SGCD: variants seen among roughly 807,000 people sequenced by gnomAD.
The protein encoded by SGCD is delta-sarcoglycan.
A neutral mutation model predicts 36.6 loss-of-function variants in SGCD; 18 were observed. The ratio of observed to expected loss-of-function variants is 0.49; its 90% confidence interval spans 0.34 to 0.73. The LOEUF (loss-of-function observed/expected upper bound fraction) is 0.73. Ranked by LOEUF, SGCD falls within the 30% of genes least tolerant of loss-of-function variation. SGCD has a pLI of 0.01. For synonymous variants in SGCD, 133 were observed against 130.6 expected, an observed-to-expected ratio of 1.02 and a Z score of -0.12; for missense variants, 387 against 346.7, an observed-to-expected ratio of 1.12 and a Z score of -0.92.
At chr5:156,199,731 G>A (rs62380743) in intron 3 of SGCD, among the ~76,000 whole-genome samples, 46,968 of 151,880 alleles carry the variant, frequency 0.31, 7,737 homozygotes, top group East Asian at 0.6. Context: ...TAAACTTCAC[G>A]GAGGCAGGCT....
At chr5:156,215,092 GAATATT>G (rs1344113283) in intron 3 of SGCD, among the ~76,000 whole-genome samples, 1 of 152,002 alleles carries the variant, frequency 6.6e-6, no homozygotes, top group Non-Finnish European at 1.5e-5. Context: ...ATGCTCATTG[GAATATT>G]TTGGATTTTG....
chr5:155,779,735 T>G, the SGCD span, among the ~76,000 whole-genome samples: 1 of 152,154 alleles, frequency 6.6e-6, no homozygotes, highest in Non-Finnish European at 1.5e-5. Flanking sequence ...ATGGCCAGAC[T>G]GACCTTCAGA....
At chr5:155,945,491 G>C (rs892942208) in intron 1 of SGCD, among the ~76,000 whole-genome samples, 5 of 152,174 alleles carry the variant, frequency 3.3e-5, no homozygotes, top group African/African-American at 9.6e-5. Flanking sequence ...ACACCAACAT[G>C]CAACTACAAA....
At chr5:155,806,035 G>A in the SGCD span, among the ~76,000 whole-genome samples, 1 of 152,126 alleles carries the variant, frequency 6.6e-6, no homozygotes, top group Non-Finnish European at 1.5e-5. Flanking sequence ...AAATGAATTA[G>A]GTCCTTCCAC....
chr5:156,447,348 C>G (rs979078059), intron 3 of SGCD, among the ~76,000 whole-genome samples: 56 of 152,244 alleles, frequency 3.7e-4, no homozygotes, highest in African/African-American at 1.3e-3. Context: ...ATATAACACA[C>G]AAATGAGTGC....
At position 156,333,737 on chromosome 5, in the gene SGCD, A is replaced by G. The variant is rs375906462; in HGVS notation, c.3+4158A>G. Among the ~76,000 whole-genome samples the G allele has an allele frequency of 4.3e-5, 6 of 140,356 alleles. No individual in the cohort carries two copies. The East Asian group carries it at 8.5e-4, about 20-fold the overall frequency. 92.1% of individuals were successfully genotyped at this position (140,356 alleles called of 152,430 possible). On this transcript the variant is annotated intron_variant, in intron 2 of 8. Transcript: ENST00000337851. Reference sequence around the variant, plus strand: ...AATGGCTAGTACATAGTACCATTATACAAGTGTTTGTCATTTATGTGTGCT... The same window carrying G: ...AATGGCTAGTACATAGTACCATTATGCAAGTGTTTGTCATTTATGTGTGCT...
chr5:155,780,419 C>T, the SGCD span, among the ~76,000 whole-genome samples: 242 of 152,210 alleles, frequency 1.6e-3, no homozygotes, highest in Non-Finnish European at 3.1e-4. Context: ...TTCTCTGTAG[C>T]GGAACTCCTG....
At chr5:155,914,264 C>T (rs748834037) in intron 1 of SGCD, among the ~76,000 whole-genome samples, 29 of 152,140 alleles carry the variant, frequency 1.9e-4, no homozygotes, top group Admixed American at 9.8e-4. Context: ...CAAATGGGAC[C>T]ATATACTATC....
chr5:156,389,857 G>A (rs1771471708), intron 3 of SGCD, among the ~76,000 whole-genome samples: 1 of 152,058 alleles, frequency 6.6e-6, no homozygotes. Context: ...TCATACATTA[G>A]AAGCTTGTTG....
intron 4 of SGCD, among the ~76,000 whole-genome samples, chr5:156,575,989 T>C (rs553078833): frequency 6.6e-6 from 1 of 152,314 alleles, no homozygotes; most frequent in East Asian, 1.9e-4. Context: ...GTTTGTTACA[T>C]AGGTATACCT....
chr5:156,355,865 G>GA (rs1185688436), intron 3 of SGCD, among the ~76,000 whole-genome samples: 48 of 152,292 alleles, frequency 3.2e-4, no homozygotes, highest in African/African-American at 1.2e-3. Context: ...TTGAATTCCT[G>GA]AACTCAAGTG....
At chr5:156,144,680 T>G (rs1048029905) in intron 3 of SGCD, among the ~76,000 whole-genome samples, 1 of 152,244 alleles carries the variant, frequency 6.6e-6, no homozygotes. Context: ...TCTCCCATTC[T>G]GTAGGTTGCC....
intron 3 of SGCD, among the ~76,000 whole-genome samples, chr5:156,315,793 A>G (rs1767502564): frequency 1.3e-5 from 2 of 151,928 alleles, no homozygotes; most frequent in South Asian, 4.1e-4. Context: ...TTTGGTTTGG[A>G]TATCCCTGAT....
At chr5:156,636,891 A>G (rs1366368134) in intron 6 of SGCD, among the ~76,000 whole-genome samples, 1 of 152,170 alleles carries the variant, frequency 6.6e-6, no homozygotes, top group Non-Finnish European at 1.5e-5. Flanking sequence ...ATAGAATGGT[A>G]TTAAACTTTA....
At chr5:156,284,361 C>T (rs1766536355) in intron 3 of SGCD, among the ~76,000 whole-genome samples, 1 of 151,976 alleles carries the variant, frequency 6.6e-6, no homozygotes, top group Admixed American at 6.6e-5. Context: ...CTGGCAGAGA[C>T]ACAACAAAAA....
At chr5:156,364,936 C>T (rs550035781) in intron 3 of SGCD, among the ~76,000 whole-genome samples, 1 of 152,308 alleles carries the variant, frequency 6.6e-6, no homozygotes, top group African/African-American at 2.4e-5. Flanking sequence ...CCTGTCGCCT[C>T]TGGGCATCAT....
chr5:156,386,954 C>T (rs1244154660), intron 3 of SGCD, among the ~76,000 whole-genome samples: 1 of 152,092 alleles, frequency 6.6e-6, no homozygotes, highest in Non-Finnish European at 1.5e-5. Context: ...AGAGTACACA[C>T]CAGTTAAAAG....
chr5:156,194,731 T>TA (rs1692444777), intron 3 of SGCD, among the ~76,000 whole-genome samples: 1 of 152,080 alleles, frequency 6.6e-6, no homozygotes, highest in Non-Finnish European at 1.5e-5. Flanking sequence ...TATAATAATA[T>TA]AAAACCCTGA....
chr5:156,099,331 G>C (rs1761462451), intron 1 of SGCD, among the ~76,000 whole-genome samples: 1 of 152,134 alleles, frequency 6.6e-6, no homozygotes, highest in Non-Finnish European at 1.5e-5. Context: ...TTATGTGTCA[G>C]ATTCCTCTAC....
Sources: gnomAD v4.1 joint callset for allele counts (sites outside exome capture counted in the v4.1 genomes callset) on GRCh38, gnomAD v4.1.1 for gene constraint, MANE v1.5 for transcripts, NCBI Gene and HGNC (gene_info 2026-07-23, HGNC 2026-07-21) for gene names.